DSCAML1: variants seen among roughly 807,000 people sequenced by gnomAD.
DSCAML1 encodes the protein cell adhesion molecule DSCAML1.
DSCAML1 carries 38 observed loss-of-function variants against 200.5 expected under a neutral mutation model. The ratio of observed to expected loss-of-function variants is 0.19; its 90% CI spans 0.15 to 0.25. The LOEUF (loss-of-function observed/expected upper bound fraction) is 0.25, where lower values mean the gene tolerates loss of function less well. DSCAML1 is among the 10% of genes least tolerant of loss of function. The pLI is 1.00. For synonymous variants in DSCAML1, 1,215 were observed against 1,165.0 expected, an observed-to-expected ratio of 1.04 and a Z score of -0.87; for missense variants, 2,223 against 2,858.8, an observed-to-expected ratio of 0.78 and a Z score of 5.07.
At chr11:117,658,550 TAAG>T (rs1214243293) in intron 3 of DSCAML1, among the ~76,000 whole-genome samples, 2 of 152,226 alleles carry the variant, frequency 1.3e-5, no homozygotes, top group African/African-American at 4.8e-5. Context: ...GCATTATATT[TAAG>T]AAGAAGGCAT....
In DSCAML1 at chr11:117,480,356, G is replaced by A. The variant is rs1001061332; in HGVS notation, c.2785+87C>T. 1 of 1,563,844 alleles carries A rather than the reference G, an allele frequency of 6.4e-7. No homozygotes were observed. The highest frequency in any genetic ancestry group is 8.7e-7 in the Non-Finnish European group (1 of 1,151,736). ...TGGATGGGCAGCCCTAAGGCTCAGG[G>A]GCTCTCCTCCCAGAGGGCACAGGCA... On this transcript the variant is annotated intron_variant, in intron 14 of 32. Coordinates refer to ENST00000651296, the MANE Select transcript of DSCAML1 (RefSeq NM_020693.4). The surrounding 1 kb of genome is among the most constrained non-coding windows in gnomAD (Gnocchi z 4.1).
chr11:117,650,667 C>CTGTG (rs66966642), intron 3 of DSCAML1, among the ~76,000 whole-genome samples: 4,358 of 143,470 alleles, frequency 0.03, 79 homozygotes, highest in Middle Eastern at 0.056. Flanking sequence ...GTGTGTCTAT[C>CTGTG]TGTGTGTGTG....
chr11:117,517,179 C>A (rs1057228564), intron 7 of DSCAML1, among the ~76,000 whole-genome samples: 6 of 152,072 alleles, frequency 3.9e-5, no homozygotes, highest in African/African-American at 1.4e-4. Context: ...TGATCTCGTA[C>A]CCAAAAGGAA....
chr11:117,483,871 C>G (rs1459351582), intron 11 of DSCAML1, among the ~76,000 whole-genome samples: 1 of 152,174 alleles, frequency 6.6e-6, no homozygotes, highest in East Asian at 1.9e-4. Context: ...CTGTCATTGG[C>G]TGCAAGAATC....
intron 3 of DSCAML1, among the ~76,000 whole-genome samples, chr11:117,652,742 G>A (rs919056308): frequency 6.6e-6 from 1 of 152,190 alleles, no homozygotes; most frequent in East Asian, 1.9e-4. Flanking sequence ...GATGATAACC[G>A]TGCGTGCATT....
At chr11:117,737,972 C>G (rs1293847328) in intron 3 of DSCAML1, among the ~76,000 whole-genome samples, 1 of 152,090 alleles carries the variant, frequency 6.6e-6, no homozygotes, top group Non-Finnish European at 1.5e-5. Flanking sequence ...ATGATCAGAT[C>G]TCTATTTTAG....
At chr11:117,623,216 C>CTTTTTT (rs56343852) in intron 3 of DSCAML1, among the ~76,000 whole-genome samples, 94 of 121,084 alleles carry the variant, frequency 7.8e-4, no homozygotes, top group Non-Finnish European at 9.4e-4. Context: ...CTTTTCTTTT[C>CTTTTTT]TTTTTTTTTT....
At chr11:117,514,577 T>TC (rs796090458) in intron 8 of DSCAML1, among the ~76,000 whole-genome samples, 51 of 95,760 alleles carry the variant, frequency 5.3e-4, no homozygotes, top group Non-Finnish European at 6.1e-4. Context: ...TTTTTCTTTT[T>TC]TTTTTTTTTT....
At chr11:117,713,307 G>A (rs1187475285) in intron 3 of DSCAML1, among the ~76,000 whole-genome samples, 1 of 152,204 alleles carries the variant, frequency 6.6e-6, no homozygotes, top group Non-Finnish European at 1.5e-5. Flanking sequence ...GTAGAGACAA[G>A]GTTTCATCAT....
Position 117,641,380 on chromosome 11 carries a change from C to T in DSCAML1, c.512-108858G>A, listed in dbSNP as rs145206502. 1.2e-4 allele frequency among the ~76,000 whole-genome samples: 18 copies of T among 152,354 alleles called. 1 individual carries two copies. The highest frequency in any genetic ancestry group is 3.6e-4 in the African/African-American group (15 of 41,574). ...AGCATCCTCTGCGATCACATTAGTG[C>T]AAGGATGTCTCTTATGGTTAGTTGC... On this transcript the variant is annotated intron_variant, in intron 3 of 32. Coordinates refer to ENST00000651296, the MANE Select transcript of DSCAML1 (RefSeq NM_020693.4).
At chr11:117,583,004 T>TTATTATTATTATTAG (rs1555187027) in intron 3 of DSCAML1, among the ~76,000 whole-genome samples, 3 of 149,872 alleles carry the variant, frequency 2.0e-5, no homozygotes, top group Middle Eastern at 3.5e-3. Flanking sequence ...ATTATTATTA[T>TTATTATTATTATTAG]TATTATTATT....
intron 20 of DSCAML1, among the ~76,000 whole-genome samples, chr11:117,445,450 G>A (rs140953423): frequency 1.3e-5 from 2 of 152,328 alleles, no homozygotes; most frequent in South Asian, 2.1e-4. Context: ...GTGTGGGGTA[G>A]TGTAGTGGCT....
At chr11:117,434,088 A>G (rs1367731215) in intron 27 of DSCAML1, among the ~76,000 whole-genome samples, 2 of 152,210 alleles carry the variant, frequency 1.3e-5, no homozygotes, top group Admixed American at 1.3e-4. Context: ...TAGACCCCTG[A>G]TACCTGAGAA....
Position 117,777,921 on chromosome 11 carries a change from G to A in DSCAML1, c.365-984C>T, listed in dbSNP as rs563090917. ...ACCCCCTTATCTGCCAAGCAAAGCT[G>A]GAACATCCAGAGCCCTGCTGCCTCC... On this transcript the variant is annotated intron_variant, in intron 2 of 32. Transcript: ENST00000651296. Among the ~76,000 whole-genome samples, 3 of 152,308 alleles carry A rather than the reference G, an allele frequency of 2.0e-5. No homozygotes were observed. In the East Asian group the frequency reaches 5.8e-4, roughly 29 times the overall value.
chr11:117,726,016 A>G (rs2054122749), intron 3 of DSCAML1, among the ~76,000 whole-genome samples: 1 of 152,148 alleles, frequency 6.6e-6, no homozygotes, highest in African/African-American at 2.4e-5. Context: ...TGACATCCTC[A>G]GCCCAGGTCA....
chr11:117,797,907 G>A (rs1190745398), upstream of DSCAML1, among the ~76,000 whole-genome samples: 2 of 152,234 alleles, frequency 1.3e-5, no homozygotes, highest in African/African-American at 2.4e-5. Flanking sequence ...CTGCCTGACA[G>A]AAATTGGCTT....
chr11:117,548,195 G>A (rs2050410849), intron 3 of DSCAML1, among the ~76,000 whole-genome samples: 1 of 152,220 alleles, frequency 6.6e-6, no homozygotes, highest in Non-Finnish European at 1.5e-5. Context: ...CAGGCTCTAA[G>A]CCAGCCCTCT....
intron 3 of DSCAML1, among the ~76,000 whole-genome samples, chr11:117,548,998 G>A (rs2050426543): frequency 1.3e-5 from 2 of 152,186 alleles, no homozygotes; most frequent in African/African-American, 4.8e-5. Context: ...AGGGGATGTG[G>A]CTAAAAGGGA....
chr11:117,698,851 A>G (rs1395171504), intron 3 of DSCAML1, among the ~76,000 whole-genome samples: 1 of 152,196 alleles, frequency 6.6e-6, no homozygotes, highest in Non-Finnish European at 1.5e-5. Flanking sequence ...GTTCACTGGC[A>G]GCCCAGACAG....
Sources: allele counts gnomAD v4.1 joint callset (sites outside exome capture counted in the v4.1 genomes callset), GRCh38; gene constraint gnomAD v4.1.1; non-coding constraint Gnocchi (gnomAD v3.1); transcripts MANE v1.5; gene names NCBI Gene and HGNC (gene_info 2026-07-23, HGNC 2026-07-21).